ULK4: variants seen among roughly 807,000 people sequenced by gnomAD.
ULK4 encodes unc-51 like kinase 4.
Under a neutral mutation model 160.6 loss-of-function variants are expected in ULK4, and 133 were observed. That is an observed-to-expected ratio of 0.83 (90% CI 0.72 to 0.96). The LOEUF (loss-of-function observed/expected upper bound fraction) is 0.96, where lower values mean the gene tolerates loss of function less well. ULK4 is among the 40% of genes least tolerant of loss of function. ULK4 has a pLI of 0.00. For missense variants in ULK4, 1,580 were observed against 1,499.5 expected, an observed-to-expected ratio of 1.05 and a Z score of -0.89; for synonymous variants, 534 against 539.8, an observed-to-expected ratio of 0.99 and a Z score of 0.15.
At chr3:41,765,685 T>C (rs2039138812) in intron 21 of ULK4, among the ~76,000 whole-genome samples, 1 of 152,156 alleles carries the variant, frequency 6.6e-6, no homozygotes, top group Admixed American at 6.5e-5. Flanking sequence ...CTTTATTTCT[T>C]ATACTAGAAA....
chr3:41,558,253 C>G (rs567210395), intron 32 of ULK4, among the ~76,000 whole-genome samples: 80 of 152,044 alleles, frequency 5.3e-4, no homozygotes, highest in Non-Finnish European at 1.1e-3. Flanking sequence ...TATGCTACAT[C>G]CATAAAACAG....
Position 41,423,688 on chromosome 3 carries a change from C to G in ULK4, c.3493-25424G>C, listed in dbSNP as rs528220834. Among the ~76,000 whole-genome samples, 9 of 152,066 alleles carry G rather than the reference C, an allele frequency of 5.9e-5. No homozygotes were observed. The South Asian group carries it at 1.9e-3, about 32-fold the overall frequency. ...CCAAAAACTGAGGTATAGAGGTTCT[C>G]TCACTGGGACTGACTACGCGGTTGT... On this transcript the variant is annotated intron_variant, in intron 34 of 36. Transcript: ENST00000301831.
intron 22 of ULK4, among the ~76,000 whole-genome samples, chr3:41,724,495 C>A (rs565119288): frequency 6.6e-6 from 1 of 151,988 alleles, no homozygotes; most frequent in Non-Finnish European, 1.5e-5. Context: ...GAGGCCGAGG[C>A]GGGTGGATCA....
chr3:41,562,866 G>C (rs537706177), intron 32 of ULK4, among the ~76,000 whole-genome samples: 14 of 152,116 alleles, frequency 9.2e-5, no homozygotes, highest in Non-Finnish European at 1.9e-4. Flanking sequence ...TTACATTTAA[G>C]GTTAATACTG....
intron 30 of ULK4, among the ~76,000 whole-genome samples, chr3:41,622,403 T>C (rs1185438251): frequency 1.3e-5 from 2 of 152,174 alleles, no homozygotes; most frequent in Non-Finnish European, 1.5e-5. Context: ...ATATACACCA[T>C]GGAATGCTAT....
At chr3:41,425,284 A>C (rs939863184) in intron 34 of ULK4, among the ~76,000 whole-genome samples, 6 of 152,184 alleles carry the variant, frequency 3.9e-5, no homozygotes, top group African/African-American at 1.4e-4. Context: ...ACCTCTGAGA[A>C]CTATGGAATT....
Position 41,510,917 on chromosome 3 carries a change from T to A in ULK4, c.3227-47664A>T, listed in dbSNP as rs563032569. Among the ~76,000 whole-genome samples, 7 of 152,122 alleles carry A rather than the reference T, an allele frequency of 4.6e-5. No individual in the cohort carries two copies. In the South Asian group the frequency reaches 1.5e-3, roughly 32 times the overall value. ...TGGCTCATGCCTGTAATCCCTGCAC[T>A]TTTGGGAGGCTGAGGCGGGTGGATC... On this transcript the variant is annotated intron_variant, in intron 32 of 36. Coordinates refer to ENST00000301831, the MANE Select transcript of ULK4 (RefSeq NM_017886.4).
intron 32 of ULK4, among the ~76,000 whole-genome samples, chr3:41,561,128 GTTT>G (rs764162097): frequency 6.6e-6 from 1 of 152,126 alleles, no homozygotes; most frequent in Non-Finnish European, 1.5e-5. Context: ...TAATCATGTG[GTTT>G]TTGTCATTGA....
chr3:41,725,878 C>A (rs1575612211), intron 22 of ULK4, among the ~76,000 whole-genome samples: 1 of 152,164 alleles, frequency 6.6e-6, no homozygotes, highest in South Asian at 2.1e-4. Context: ...CAATCTAGAT[C>A]ATCTTAATCC....
intron 16 of ULK4, among the ~76,000 whole-genome samples, chr3:41,893,534 T>C (rs2148783488): frequency 6.6e-6 from 1 of 152,280 alleles, no homozygotes; most frequent in South Asian, 2.1e-4. Flanking sequence ...TACTGCCTTC[T>C]ATCCATCTGT....
At chr3:41,879,953 CT>C (rs1226770616) in intron 17 of ULK4, among the ~76,000 whole-genome samples, 2 of 152,010 alleles carry the variant, frequency 1.3e-5, no homozygotes, top group Admixed American at 6.6e-5. Flanking sequence ...CCCATCTCTA[CT>C]AAAAATACAA....
At chr3:41,815,564 T>A (rs2040939139) in intron 19 of ULK4, among the ~76,000 whole-genome samples, 1 of 152,206 alleles carries the variant, frequency 6.6e-6, no homozygotes, top group Non-Finnish European at 1.5e-5. Flanking sequence ...GAGGACCTGC[T>A]TATGCTTTTA....
chr3:41,358,535 T>G (rs548289722), intron 35 of ULK4, among the ~76,000 whole-genome samples: 31 of 152,104 alleles, frequency 2.0e-4, no homozygotes, highest in African/African-American at 7.5e-4. Flanking sequence ...AGTAAAGACC[T>G]GAAGGAAGGA....
intron 21 of ULK4, among the ~76,000 whole-genome samples, chr3:41,779,687 G>T (rs2039749738): frequency 3.3e-5 from 1 of 30,736 alleles, no homozygotes; most frequent in Non-Finnish European, 5.6e-5. Context: ...CCTTTGTAGG[G>T]ACATGGATGA....
chr3:41,410,759 A>T (rs915405008), intron 34 of ULK4, among the ~76,000 whole-genome samples: 1 of 152,218 alleles, frequency 6.6e-6, no homozygotes, highest in Admixed American at 6.5e-5. Flanking sequence ...TGAGTTCAAC[A>T]TTGTCCTGAT....
chr3:41,888,616 A>G (rs557857870), intron 16 of ULK4, among the ~76,000 whole-genome samples: 11 of 152,298 alleles, frequency 7.2e-5, no homozygotes, highest in Non-Finnish European at 2.9e-5. Context: ...CCTCTTTTCC[A>G]TCACCCTTCC....
At chr3:41,939,325 A>G (rs1472620148) in intron 2 of ULK4, among the ~76,000 whole-genome samples, 1 of 151,928 alleles carries the variant, frequency 6.6e-6, no homozygotes, top group Non-Finnish European at 1.5e-5. Flanking sequence ...ACACCCAGCT[A>G]ATTTTTGTAT....
chr3:41,953,285 C>CACACATATATATATATATATATATATAT (rs374288098), intron 2 of ULK4, among the ~76,000 whole-genome samples: 2 of 85,942 alleles, frequency 2.3e-5, no homozygotes, highest in African/African-American at 7.6e-5. Context: ...CATATATACA[C>CACACATATATATATATATATATATATAT]ATATATATAT....
At chr3:41,330,994 A>G (rs1163090727) in intron 35 of ULK4, among the ~76,000 whole-genome samples, 1 of 152,128 alleles carries the variant, frequency 6.6e-6, no homozygotes, top group African/African-American at 2.4e-5. Flanking sequence ...TATTTAACAC[A>G]TACACACCTC....
Sources: gnomAD v4.1 joint callset for allele counts (sites outside exome capture counted in the v4.1 genomes callset) on GRCh38, gnomAD v4.1.1 for gene constraint, MANE v1.5 for transcripts, NCBI Gene and HGNC (gene_info 2026-07-23, HGNC 2026-07-21) for gene names.